Variants in FRMD4A observed in about 807,000 individuals in gnomAD.
FRMD4A encodes FERM domain-containing protein 4A.
Under a neutral mutation model 129.1 loss-of-function variants are expected in FRMD4A, and 29 were observed. The observed-to-expected ratio is 0.22, with a 90% CI of 0.17 to 0.31. FRMD4A has a LOEUF of 0.31. FRMD4A is among the 10% of genes least tolerant of loss of function. The pLI is 1.00. For missense variants in FRMD4A, 1,272 were observed against 1,375.8 expected (o/e 0.92, Z 1.19); for synonymous variants, 634 against 571.6 (o/e 1.11, Z -1.56).
At chr10:13,767,608 GC>G (rs1316589856) in intron 6 of FRMD4A, among the ~76,000 whole-genome samples, 1 of 152,198 alleles carries the variant, frequency 6.6e-6, no homozygotes, top group East Asian at 1.9e-4. Flanking sequence ...CACAGAGTGT[GC>G]AAAAATCCCA....
rs1015729746 is a variant in FRMD4A, at chr10:13,778,606, T to TGC, written c.384+4315_384+4316insGC. ...TGATACTACCATTCCAACGTGTGTG[T>TGC]GTGTGTGTGTGTGTGTTTGTGTGTG... is the stretch of plus-strand genomic sequence containing the variant. On this transcript the variant is annotated intron_variant, in intron 6 of 24. Coordinates refer to ENST00000357447, the MANE Select transcript of FRMD4A (RefSeq NM_018027.5). Among the ~76,000 whole-genome samples the TGC allele has an allele frequency of 8.9e-5, 13 of 146,744 alleles. No individual in the cohort carries two copies. In the South Asian group the frequency reaches 1.1e-3, roughly 13 times the overall value.
At chr10:13,663,137 C>G (rs1355924420) in intron 19 of FRMD4A, among the ~76,000 whole-genome samples, 2 of 151,542 alleles carry the variant, frequency 1.3e-5, no homozygotes, top group Admixed American at 6.6e-5. Context: ...TTGTAGTGAG[C>G]CGAGATCATA....
At chr10:14,013,216 CT>C (rs2095687941) in intron 2 of FRMD4A, among the ~76,000 whole-genome samples, 2 of 152,212 alleles carry the variant, frequency 1.3e-5, no homozygotes, top group South Asian at 4.1e-4. Flanking sequence ...TTGTAAATAT[CT>C]GTCCTAACCT....
At chr10:13,840,882 G>A (rs1263501491) in intron 3 of FRMD4A, among the ~76,000 whole-genome samples, 2 of 151,736 alleles carry the variant, frequency 1.3e-5, no homozygotes, top group African/African-American at 4.8e-5. Context: ...GCCAAGGTGG[G>A]AGGATCACTT....
intron 2 of FRMD4A, among the ~76,000 whole-genome samples, chr10:14,040,517 C>T (rs1833738844): frequency 6.6e-6 from 1 of 152,184 alleles, no homozygotes; most frequent in African/African-American, 2.4e-5. Flanking sequence ...TGATGCAATT[C>T]TTTAACTCTG....
intron 2 of FRMD4A, among the ~76,000 whole-genome samples, chr10:14,126,080 C>A (rs748102800): frequency 4.6e-5 from 7 of 151,816 alleles, no homozygotes; most frequent in Admixed American, 4.6e-4. Context: ...TCCAACCATA[C>A]AATTGTCCAA....
intron 2 of FRMD4A, among the ~76,000 whole-genome samples, chr10:13,968,505 C>A (rs780978425): frequency 6.6e-6 from 1 of 152,188 alleles, no homozygotes; most frequent in African/African-American, 2.4e-5. Context: ...CAGGCTGGAG[C>A]GCAATGGTGC....
chr10:14,227,960 G>A (rs143310140), intron 2 of FRMD4A, among the ~76,000 whole-genome samples: 13 of 151,960 alleles, frequency 8.6e-5, no homozygotes, highest in African/African-American at 2.4e-4. Flanking sequence ...TGCAACTTCC[G>A]CCTCCCTGGT....
chr10:13,657,547 T>G, intron 21 of FRMD4A, 25 bp from the exon 22 acceptor site: 1 of 1,533,974 alleles, frequency 6.5e-7, no homozygotes, highest in Non-Finnish European at 8.8e-7. Flanking sequence ...CCCGGGTTGG[T>G]CTGGGGGTGG....
At chr10:13,687,782 C>A (rs370590421) in intron 15 of FRMD4A, among the ~76,000 whole-genome samples, 9 of 152,328 alleles carry the variant, frequency 5.9e-5, no homozygotes, top group East Asian at 3.9e-4. Flanking sequence ...TGGTCAATAA[C>A]AGAGGCACTG....
At position 13,678,337 on chromosome 10, in the gene FRMD4A, G is replaced by A. The variant is rs545722972; in HGVS notation, c.1118-3293C>T. Among the ~76,000 whole-genome samples, 6 of 152,342 alleles carry A rather than the reference G, an allele frequency of 3.9e-5. No homozygotes were observed. In the South Asian group the frequency reaches 1.0e-3, roughly 26 times the overall value. On this transcript the variant is annotated intron_variant, in intron 15 of 24. Coordinates refer to ENST00000357447, the MANE Select transcript of FRMD4A (RefSeq NM_018027.5). ...GGGCGAAGATGGTGTCTGGGTACCA[G>A]GTCAAATCCCCGCAAAATCACTGAG...
intron 2 of FRMD4A, among the ~76,000 whole-genome samples, chr10:14,264,574 TA>T (rs1564426565): frequency 6.6e-6 from 1 of 152,096 alleles, no homozygotes; most frequent in Non-Finnish European, 1.5e-5. Context: ...TAACTTAGTG[TA>T]AAAAATAATA....
At chr10:13,916,148 G>A (rs947639544) in intron 2 of FRMD4A, among the ~76,000 whole-genome samples, 4 of 152,190 alleles carry the variant, frequency 2.6e-5, no homozygotes, top group Non-Finnish European at 5.9e-5. Context: ...ACACCCTGTG[G>A]CTGCCTGACC....
chr10:14,068,349 C>T (rs1835159520), intron 2 of FRMD4A, among the ~76,000 whole-genome samples: 2 of 152,154 alleles, frequency 1.3e-5, no homozygotes, highest in South Asian at 4.1e-4. Context: ...TGCCTAAGAA[C>T]TGCTAATACA....
chr10:13,886,265 C>T (rs1363298831), intron 2 of FRMD4A, among the ~76,000 whole-genome samples: 3 of 149,656 alleles, frequency 2.0e-5, no homozygotes, highest in African/African-American at 7.4e-5. Flanking sequence ...ACAGCAAGGA[C>T]AAAGAAAGGC....
intron 2 of FRMD4A, among the ~76,000 whole-genome samples, chr10:14,321,842 T>C (rs537256452): frequency 1.3e-5 from 2 of 152,264 alleles, no homozygotes; most frequent in African/African-American, 4.8e-5. Flanking sequence ...GGAAGGGGCC[T>C]GGTGGGAGGT....
intron 14 of FRMD4A, among the ~76,000 whole-genome samples, chr10:13,698,097 A>AGGGAGGGAGGGAGGGT (rs2086407365): frequency 6.7e-6 from 1 of 150,300 alleles, no homozygotes. Context: ...GGAGGGAGGG[A>AGGGAGGGAGGGAGGGT]GGGAGAGACA....
At chr10:14,036,278 G>C (rs1355637246) in intron 2 of FRMD4A, among the ~76,000 whole-genome samples, 1 of 152,174 alleles carries the variant, frequency 6.6e-6, no homozygotes. Context: ...ACTGAGAAAA[G>C]ATGAGTTATT....
intron 2 of FRMD4A, among the ~76,000 whole-genome samples, chr10:14,020,248 C>T (rs760655900): frequency 1.2e-4 from 19 of 152,292 alleles, no homozygotes; most frequent in Admixed American, 2.0e-4. Context: ...CAGCCAGAGA[C>T]GCCCCAGAGT....
Sources: gnomAD v4.1 joint callset for allele counts (sites outside exome capture counted in the v4.1 genomes callset) on GRCh38, gnomAD v4.1.1 for gene constraint, MANE v1.5 for transcripts, NCBI Gene and HGNC (gene_info 2026-07-23, HGNC 2026-07-21) for gene names.